The following NGEF variants were observed in gnomAD, a reference collection of about 807,000 sequenced individuals.
NGEF encodes the protein ephexin-1.
NGEF carries 31 observed loss-of-function variants against 80.9 expected under a neutral mutation model. The observed-to-expected ratio is 0.38, with a 90% CI of 0.29 to 0.52. The LOEUF (loss-of-function observed/expected upper bound fraction) is 0.52, where lower values mean the gene tolerates loss of function less well. NGEF is among the 20% of genes least tolerant of loss of function. The pLI is 0.84. For missense variants in NGEF, 709 were observed against 926.2 expected, an observed-to-expected ratio of 0.77 and a Z score of 3.04; for synonymous variants, 371 against 370.2, an observed-to-expected ratio of 1.00 and a Z score of -0.03.
intron 9 of NGEF, among the ~76,000 whole-genome samples, chr2:232,886,290 GT>G (rs1197199668): frequency 1.8e-4 from 27 of 147,352 alleles, no homozygotes; most frequent in Non-Finnish European, 4.1e-4. Context: ...GTGTGTGTGC[GT>G]GCTGTGTGTA....
chr2:232,969,839 A>G (rs960713710), intron 3 of NGEF, among the ~76,000 whole-genome samples: 1 of 151,930 alleles, frequency 6.6e-6, no homozygotes, highest in Non-Finnish European at 1.5e-5. Context: ...ATTTCTTAAT[A>G]TATGTAGTAT....
rs927702250 is a variant in NGEF at position 232,879,361 on chromosome 2, G to A, written c.*128C>T. 2 of 921,278 alleles carry A rather than the reference G, an allele frequency of 2.2e-6. No individual in the cohort carries two copies. Among genetic ancestry groups the A allele is most frequent in the Admixed American group, 2.3e-5 (1 of 42,566 alleles). 57.1% of individuals were successfully genotyped at this position (921,278 alleles called of 1,614,324 possible). ...ACTCACTGCGTGGGCAGGGATGAGGGCCGGGCACCCCAAGCCAGATCCTGC... is the reference window on the plus strand; with the variant it reads ...ACTCACTGCGTGGGCAGGGATGAGGACCGGGCACCCCAAGCCAGATCCTGC... On this transcript the variant is annotated 3_prime_UTR_variant, in exon 15 of 15. Transcript: ENST00000264051.
At chr2:232,906,780 G>A (rs1398101700) in intron 5 of NGEF, among the ~76,000 whole-genome samples, 1 of 151,492 alleles carries the variant, frequency 6.6e-6, no homozygotes, top group Non-Finnish European at 1.5e-5. Context: ...TCGGATGGTT[G>A]CGGTGTCTGT....
At chr2:232,883,280 A>G in intron 12 of NGEF, 31 bp downstream of exon 12, 1 of 1,560,458 alleles carries the variant, frequency 6.4e-7, no homozygotes, top group East Asian at 2.3e-5. Flanking sequence ...TGCCACGGGT[A>G]GCACTGGGCG....
chr2:233,005,457 G>A (rs773365829), intron 1 of NGEF, among the ~76,000 whole-genome samples: 5 of 152,270 alleles, frequency 3.3e-5, no homozygotes, highest in Non-Finnish European at 5.9e-5. Flanking sequence ...TCCTTCCAGC[G>A]TGGATGCCCA....
intron 3 of NGEF, among the ~76,000 whole-genome samples, chr2:232,960,138 G>A (rs1050875685): frequency 2.6e-5 from 4 of 152,230 alleles, no homozygotes; most frequent in Non-Finnish European, 5.9e-5. Context: ...CAAGGCTGAT[G>A]CTTTCTTAGT....
intron 1 of NGEF, among the ~76,000 whole-genome samples, chr2:233,007,548 G>A (rs1250265569): frequency 1.3e-5 from 2 of 152,160 alleles, no homozygotes; most frequent in African/African-American, 4.8e-5. Flanking sequence ...AACCTGGCAG[G>A]ACCCTAGCAC....
chr2:232,916,120 A>G (rs563102188), intron 5 of NGEF, among the ~76,000 whole-genome samples: 5 of 152,370 alleles, frequency 3.3e-5, no homozygotes, highest in African/African-American at 9.6e-5. Flanking sequence ...TAAATAAATG[A>G]AAGTACTGAA....
Position 232,939,720 on chromosome 2 carries a change from G to A in NGEF, c.384-12534C>T, listed in dbSNP as rs149954695. 4.0e-3 allele frequency among the ~76,000 whole-genome samples: 610 copies of A among 152,226 alleles called. 3 individuals are homozygous for A. Among genetic ancestry groups the A allele is most frequent in the Middle Eastern group, 6.8e-3 (2 of 294 alleles). The stretch of plus-strand genomic sequence containing the variant: ...TATTCAAGAATTTGGTGTCTCGGCC[G>A]GGCACGGTGGCTCATGCCTGTAATC... On this transcript the variant is annotated intron_variant, in intron 3 of 14. Transcript: ENST00000264051.
At chr2:232,897,126 G>A (rs1431603779) in intron 5 of NGEF, among the ~76,000 whole-genome samples, 1 of 139,918 alleles carries the variant, frequency 7.1e-6, no homozygotes, top group African/African-American at 2.7e-5. Flanking sequence ...TAGGGATGGG[G>A]TAGGGGGTGG....
At chr2:232,942,909 T>C (rs1337706325) in intron 3 of NGEF, among the ~76,000 whole-genome samples, 10 of 147,850 alleles carry the variant, frequency 6.8e-5, no homozygotes, top group Non-Finnish European at 1.0e-4. Flanking sequence ...AATTTCTTTT[T>C]TTTTTTTTTT....
chr2:232,975,119 C>A (rs1348429180), intron 1 of NGEF, among the ~76,000 whole-genome samples, 155 bp from the exon 2 acceptor site: 1 of 152,230 alleles, frequency 6.6e-6, no homozygotes, highest in Non-Finnish European at 1.5e-5. Flanking sequence ...ACAGCTTAAT[C>A]TCTGCAATTT....
intron 2 of NGEF, among the ~76,000 whole-genome samples, chr2:232,970,644 G>A (rs780892163): frequency 6.6e-6 from 1 of 152,044 alleles, no homozygotes; most frequent in African/African-American, 2.4e-5. Context: ...GTGAAACCCC[G>A]TCTCTACTAA....
intron 3 of NGEF, among the ~76,000 whole-genome samples, chr2:232,939,998 A>G (rs1471875137): frequency 2.4e-5 from 2 of 83,590 alleles, no homozygotes. Flanking sequence ...CTCCATCTTA[A>G]AAAAAAAAAA....
intron 4 of NGEF, among the ~76,000 whole-genome samples, chr2:232,923,364 C>T (rs908845679): frequency 2.0e-5 from 3 of 152,168 alleles, no homozygotes; most frequent in African/African-American, 7.2e-5. Context: ...CCCCTCTCCC[C>T]GGTTGGCAGA....
intron 3 of NGEF, among the ~76,000 whole-genome samples, chr2:232,930,041 G>C (rs570199094): frequency 6.6e-6 from 1 of 152,196 alleles, no homozygotes; most frequent in East Asian, 1.9e-4. Flanking sequence ...GTGAGGCCAT[G>C]TGGAATTGTG....
chr2:232,927,087 G>T lies in NGEF; in HGVS notation c.483C>A (p.His161Gln), dbSNP rs750577852. 6 of 1,613,962 alleles carry T rather than the reference G, an allele frequency of 3.7e-6. No individual in the cohort carries two copies. The South Asian group carries it at 6.6e-5, about 18-fold the overall frequency. Residue 161 changes from histidine (H) to glutamine (Q), a missense_variant, in exon 4 of 15, where the codon CAC becomes CAA. By Grantham distance (24) the His-to-Gln change is conservative. Coordinates refer to ENST00000264051, the MANE Select transcript of NGEF (RefSeq NM_019850.3). ...TTCTCCAGGAGTCGGCGGGAATGGG[G>T]TGGATCATCCGCAGGGCCTCGGTGA... ...TTLTEALRMI[H>Q]PIPADSWRNL...
intron 6 of NGEF, among the ~76,000 whole-genome samples, chr2:232,894,068 G>C (rs772136281): frequency 2.0e-5 from 3 of 152,378 alleles, no homozygotes; most frequent in Non-Finnish European, 4.4e-5. Context: ...CACTGTCCCA[G>C]CTGAGCCCCA....
At chr2:232,950,953 G>C (rs754892196) in intron 3 of NGEF, among the ~76,000 whole-genome samples, 11 of 152,172 alleles carry the variant, frequency 7.2e-5, no homozygotes, top group Admixed American at 7.2e-4. Flanking sequence ...TATTCAATGC[G>C]TGGCTATTAA....
Sources: gnomAD v4.1 joint callset for allele counts (sites outside exome capture counted in the v4.1 genomes callset) on GRCh38, gnomAD v4.1.1 for gene constraint, MANE v1.5 for transcripts, NCBI Gene and HGNC (gene_info 2026-07-23, HGNC 2026-07-21) for gene names.